The following CNTNAP2 variants were observed in gnomAD, a reference collection of about 807,000 sequenced individuals.
CNTNAP2 encodes the protein contactin associated protein 2.
Under a neutral mutation model 155.2 loss-of-function variants are expected in CNTNAP2, and 98 were observed. That is an observed-to-expected ratio of 0.63 (90% CI 0.54 to 0.75). CNTNAP2 has a LOEUF of 0.75. CNTNAP2 is among the 30% of genes least tolerant of loss of function. The pLI, the probability that CNTNAP2 is intolerant of heterozygous loss-of-function variation, is 0.00. For missense variants in CNTNAP2, 1,727 were observed against 1,688.1 expected (o/e 1.02, Z -0.40); for synonymous variants, 651 against 631.2 (o/e 1.03, Z -0.47).
chr7:146,340,500 A>C (rs1265376367), intron 1 of CNTNAP2, among the ~76,000 whole-genome samples: 3 of 152,036 alleles, frequency 2.0e-5, no homozygotes, highest in African/African-American at 7.2e-5. Flanking sequence ...TGAATTTTAG[A>C]TAAATAATTT....
chr7:146,411,262 T>A (rs563177421), intron 1 of CNTNAP2, among the ~76,000 whole-genome samples: 1 of 151,844 alleles, frequency 6.6e-6, no homozygotes, highest in Admixed American at 6.6e-5. Context: ...GTTCAAGCGA[T>A]TCTCCTGCTT....
chr7:146,287,927 T>C (rs944989995), intron 1 of CNTNAP2, among the ~76,000 whole-genome samples: 8 of 152,170 alleles, frequency 5.3e-5, no homozygotes, highest in Admixed American at 3.3e-4. Flanking sequence ...AGTATAAAAA[T>C]AGTTGTCTCC....
intron 13 of CNTNAP2, among the ~76,000 whole-genome samples, chr7:147,679,110 C>G (rs1314069418): frequency 1.3e-5 from 2 of 151,656 alleles, no homozygotes; most frequent in Non-Finnish European, 2.9e-5. Flanking sequence ...GTGACTTATC[C>G]GTCTTTATCA....
At chr7:146,379,212 G>T (rs986452054) in intron 1 of CNTNAP2, among the ~76,000 whole-genome samples, 1 of 152,228 alleles carries the variant, frequency 6.6e-6, no homozygotes, top group Admixed American at 6.5e-5. Context: ...TCTCAGTGAA[G>T]AGTAAAGGTA....
Position 146,846,865 on chromosome 7 carries a change from T to C in CNTNAP2, c.402+6961T>C, listed in dbSNP as rs914149067. Among the ~76,000 whole-genome samples the C allele has an allele frequency of 2.6e-5, 4 of 152,174 alleles. No individual in the cohort carries two copies. The East Asian group carries it at 5.8e-4, about 22-fold the overall frequency. On this transcript the variant is annotated intron_variant, in intron 3 of 23. Coordinates refer to ENST00000361727, the MANE Select transcript of CNTNAP2 (RefSeq NM_014141.6). ...AATAACAGTATATAGTTCTTCACAG[T>C]ATAATGTATTTTTCATCTATGAGAT...
chr7:146,187,741 C>G (rs1339272160), intron 1 of CNTNAP2, among the ~76,000 whole-genome samples: 1 of 152,030 alleles, frequency 6.6e-6, no homozygotes, highest in African/African-American at 2.4e-5. Flanking sequence ...AGAAATTCAA[C>G]CAACAACACG....
rs771251135 is a variant in CNTNAP2 at position 147,237,360 on chromosome 7, A to G, written c.1349-62781A>G. 4.6e-5 allele frequency among the ~76,000 whole-genome samples: 7 copies of G among 152,230 alleles called. No individual in the cohort carries two copies. The East Asian group carries it at 5.8e-4, about 13-fold the overall frequency. ...AGTGTTGGGATTACAGGTGTGAGCCACTGTGCCTAGCCTAGCCTTCACCTC... is the reference window on the plus strand; with the variant it reads ...AGTGTTGGGATTACAGGTGTGAGCCGCTGTGCCTAGCCTAGCCTTCACCTC... On this transcript the variant is annotated intron_variant, in intron 8 of 23. Coordinates refer to ENST00000361727, the MANE Select transcript of CNTNAP2 (RefSeq NM_014141.6).
intron 15 of CNTNAP2, among the ~76,000 whole-genome samples, chr7:148,025,135 G>A (rs1802353324): frequency 6.6e-6 from 1 of 152,202 alleles, no homozygotes; most frequent in African/African-American, 2.4e-5. Flanking sequence ...TATATGCATA[G>A]TTAAACAATA....
chr7:148,234,026 C>A (rs1379434679), intron 20 of CNTNAP2, among the ~76,000 whole-genome samples: 2 of 152,186 alleles, frequency 1.3e-5, no homozygotes, highest in East Asian at 1.9e-4. Context: ...GAGGTCTCCC[C>A]AGCCATGCTT....
chr7:147,851,156 C>T (rs186634226), intron 13 of CNTNAP2, among the ~76,000 whole-genome samples: 1 of 152,016 alleles, frequency 6.6e-6, no homozygotes, highest in Non-Finnish European at 1.5e-5. Context: ...ATGCAGCCAA[C>T]AGACACATGA....
At chr7:146,382,155 A>G (rs1251197460) in intron 1 of CNTNAP2, among the ~76,000 whole-genome samples, 1 of 152,220 alleles carries the variant, frequency 6.6e-6, no homozygotes, top group East Asian at 1.9e-4. Context: ...GCATGAAATA[A>G]AGGGTAGACT....
intron 1 of CNTNAP2, among the ~76,000 whole-genome samples, chr7:146,622,976 GAAAAAAGA>G (rs1799355349): frequency 7.0e-6 from 1 of 142,996 alleles, no homozygotes; most frequent in African/African-American, 2.6e-5. Flanking sequence ...AAAGAAAAAA[GAAAAAAGA>G]AAAAAAAAAA....
chr7:146,855,809 A>G (rs12671257), intron 3 of CNTNAP2, among the ~76,000 whole-genome samples: 22 of 962 alleles, frequency 0.023, no homozygotes, highest in South Asian at 0.077. Flanking sequence ...GTTAATGAGT[A>G]TATATATATA....
intron 11 of CNTNAP2, among the ~76,000 whole-genome samples, chr7:147,516,396 C>T (rs1438251479): frequency 2.0e-5 from 3 of 152,138 alleles, no homozygotes; most frequent in Non-Finnish European, 4.4e-5. Flanking sequence ...TGTTAAAATG[C>T]TGGTTAATTG....
Position 146,226,931 on chromosome 7 carries a change from A to G in CNTNAP2, c.97+109958A>G, listed in dbSNP as rs2116906348. 1.3e-5 allele frequency among the ~76,000 whole-genome samples: 2 copies of G among 152,294 alleles called. 1 individual carries two copies. The highest frequency in any genetic ancestry group is 4.1e-4 in the South Asian group (2 of 4,830). ...ACACTTCATTACTTTAAGAAATGTTACTTTTGAAAGAAAAAATAGTCATAT... is the reference window on the plus strand; with the variant it reads ...ACACTTCATTACTTTAAGAAATGTTGCTTTTGAAAGAAAAAATAGTCATAT... On this transcript the variant is annotated intron_variant, in intron 1 of 23. Transcript: ENST00000361727.
At chr7:146,525,104 A>T (rs1422169465) in intron 1 of CNTNAP2, among the ~76,000 whole-genome samples, 1 of 152,066 alleles carries the variant, frequency 6.6e-6, no homozygotes, top group Non-Finnish European at 1.5e-5. Context: ...TAGCTGAAAA[A>T]AAAACGGAAT....
At position 146,552,799 on chromosome 7, in the gene CNTNAP2, T is replaced by C. The variant is rs1563132098; in HGVS notation, c.98-221472T>C. 2.0e-5 allele frequency among the ~76,000 whole-genome samples: 3 copies of C among 152,166 alleles called. No individual in the cohort carries two copies. In the East Asian group the frequency reaches 5.8e-4, roughly 30 times the overall value. On this transcript the variant is annotated intron_variant, in intron 1 of 23. Coordinates refer to ENST00000361727, the MANE Select transcript of CNTNAP2 (RefSeq NM_014141.6). ...CCCTTGCTTTATGAACATCCTGGCA[T>C]TCTCCCGACATTGTACATACATGCA... is the stretch of plus-strand genomic sequence containing the variant.
At chr7:146,917,099 T>C (rs1297909472) in intron 3 of CNTNAP2, among the ~76,000 whole-genome samples, 1 of 152,230 alleles carries the variant, frequency 6.6e-6, no homozygotes, top group Non-Finnish European at 1.5e-5. Context: ...AGGATCAGGT[T>C]ATTTAATTTC....
intron 13 of CNTNAP2, among the ~76,000 whole-genome samples, chr7:147,699,138 T>TA (rs992389648): frequency 2.0e-5 from 3 of 150,784 alleles, no homozygotes; most frequent in Non-Finnish European, 4.4e-5. Flanking sequence ...TATAACGATT[T>TA]AAAAAAAGAA....
Sources: allele counts gnomAD v4.1 joint callset (sites outside exome capture counted in the v4.1 genomes callset), GRCh38; gene constraint gnomAD v4.1.1; transcripts MANE v1.5; gene names NCBI Gene and HGNC (gene_info 2026-07-23, HGNC 2026-07-21).